Variants in PHACTR3 observed in about 807,000 individuals in gnomAD.
PHACTR3 encodes the protein phosphatase and actin regulator 3, also known as protein phosphatase 1, regulatory subunit 123.
A neutral mutation model predicts 66.8 loss-of-function variants in PHACTR3; 16 were observed. The ratio of observed to expected loss-of-function variants is 0.24; its 90% CI spans 0.16 to 0.36. The LOEUF (loss-of-function observed/expected upper bound fraction) is 0.36. Ranked by LOEUF, PHACTR3 falls within the 10% of genes least tolerant of loss-of-function variation. PHACTR3 has a pLI of 1.00. For missense variants in PHACTR3, 647 were observed against 719.9 expected, an observed-to-expected ratio of 0.90 and a Z score of 1.16; for synonymous variants, 323 against 292.1, an observed-to-expected ratio of 1.11 and a Z score of -1.08.
intron 8 of PHACTR3, among the ~76,000 whole-genome samples, chr20:59,828,504 T>C (rs1251363495): frequency 6.6e-6 from 1 of 152,166 alleles, no homozygotes; most frequent in Non-Finnish European, 1.5e-5. Context: ...TAGGGTGTTA[T>C]GTTGTTTTTT....
At chr20:59,786,231 G>A (rs2040910304) in intron 7 of PHACTR3, among the ~76,000 whole-genome samples, 1 of 152,240 alleles carries the variant, frequency 6.6e-6, no homozygotes. Context: ...GGCCTTGGCT[G>A]GGCTCTGAGC....
chr20:59,595,321 G>C (rs1323344028), intron 1 of PHACTR3, among the ~76,000 whole-genome samples: 1 of 152,114 alleles, frequency 6.6e-6, no homozygotes, highest in South Asian at 2.1e-4. Flanking sequence ...ACTTAGCCCG[G>C]CATGGTGGTG....
At chr20:59,701,102 T>G (rs2037492851) in intron 1 of PHACTR3, among the ~76,000 whole-genome samples, 1 of 152,162 alleles carries the variant, frequency 6.6e-6, no homozygotes, top group Admixed American at 6.6e-5. Context: ...CTTTTTCCTT[T>G]TTATAACAGG....
At chr20:59,770,252 G>C (rs2040316944) in intron 5 of PHACTR3, among the ~76,000 whole-genome samples, 2 of 152,364 alleles carry the variant, frequency 1.3e-5, no homozygotes, top group Admixed American at 1.3e-4. Context: ...AATTGAGACT[G>C]GGAGGTGGAG....
intron 1 of PHACTR3, among the ~76,000 whole-genome samples, chr20:59,592,453 A>G (rs1193836828): frequency 6.6e-6 from 1 of 152,244 alleles, no homozygotes; most frequent in Non-Finnish European, 1.5e-5. Flanking sequence ...GGACGCAGGA[A>G]GATCACCCAC....
chr20:59,666,139 A>C (rs950634299), intron 1 of PHACTR3, among the ~76,000 whole-genome samples: 1 of 152,084 alleles, frequency 6.6e-6, no homozygotes, highest in African/African-American at 2.4e-5. Flanking sequence ...CCTCACTTGG[A>C]CTTTCTGTGG....
intron 7 of PHACTR3, among the ~76,000 whole-genome samples, chr20:59,790,121 T>C (rs1407956289): frequency 6.6e-6 from 1 of 152,256 alleles, no homozygotes; most frequent in Non-Finnish European, 1.5e-5. Flanking sequence ...TTTTTTCTCT[T>C]TTTTAAAATT....
chr20:59,816,833 G>A (rs978522150), intron 8 of PHACTR3, among the ~76,000 whole-genome samples: 1 of 152,194 alleles, frequency 6.6e-6, no homozygotes, highest in Non-Finnish European at 1.5e-5. Flanking sequence ...TGGGGTAATT[G>A]CATTATAAGA....
At chr20:59,812,364 G>A (rs1009764406) in intron 8 of PHACTR3, among the ~76,000 whole-genome samples, 5 of 152,202 alleles carry the variant, frequency 3.3e-5, no homozygotes, top group East Asian at 1.9e-4. Flanking sequence ...TTCTCTGCAC[G>A]TTTTGTCCTG....
At chr20:59,621,249 A>G (rs970665112) in intron 1 of PHACTR3, among the ~76,000 whole-genome samples, 1 of 152,156 alleles carries the variant, frequency 6.6e-6, no homozygotes, top group Non-Finnish European at 1.5e-5. Context: ...CAGGTAGGTT[A>G]TTTGTAGGTG....
chr20:59,779,493 G>A lies in PHACTR3; in HGVS notation c.1174+5003G>A, dbSNP rs75894882. On this transcript the variant is annotated intron_variant, in intron 7 of 12. Transcript: ENST00000371015. ...GTTCAAACCCCATTCCCACTGTCTC[G>A]CCTGATACATTGTTTTCACATCTCC... Among the ~76,000 whole-genome samples, 220 of 152,234 alleles carry A rather than the reference G, an allele frequency of 1.4e-3. No homozygotes were observed. In the East Asian group the frequency reaches 0.016, roughly 11 times the overall value.
intron 5 of PHACTR3, among the ~76,000 whole-genome samples, chr20:59,767,683 C>A (rs2040226695): frequency 6.6e-6 from 1 of 152,246 alleles, no homozygotes; most frequent in African/African-American, 2.4e-5. Context: ...AGGGGAGTCT[C>A]TTTGCAGGAG....
chr20:59,725,309 G>T (rs1472017822), intron 1 of PHACTR3, among the ~76,000 whole-genome samples: 1 of 151,816 alleles, frequency 6.6e-6, no homozygotes, highest in African/African-American at 2.4e-5. Context: ...AGTTCAGTGA[G>T]GCTATGAGCT....
At chr20:59,589,679 G>C (rs1223173513) in intron 1 of PHACTR3, among the ~76,000 whole-genome samples, 2 of 152,172 alleles carry the variant, frequency 1.3e-5, no homozygotes, top group African/African-American at 4.8e-5. Context: ...ACTCTCTTAA[G>C]TATATAAATC....
intron 1 of PHACTR3, among the ~76,000 whole-genome samples, chr20:59,678,527 C>T (rs890068675): frequency 1.3e-5 from 2 of 152,016 alleles, no homozygotes; most frequent in South Asian, 2.1e-4. Context: ...GTTGATGATC[C>T]GAAGCTCTTG....
chr20:59,807,549 A>G (rs1310965920), intron 8 of PHACTR3, among the ~76,000 whole-genome samples: 1 of 152,228 alleles, frequency 6.6e-6, no homozygotes, highest in Non-Finnish European at 1.5e-5. Context: ...TTAAAATTAT[A>G]GTGACTACAT....
intron 7 of PHACTR3, among the ~76,000 whole-genome samples, chr20:59,802,293 CAGAG>C (rs1370838339): frequency 1.3e-5 from 2 of 152,096 alleles, no homozygotes; most frequent in Non-Finnish European, 2.9e-5. Flanking sequence ...CAAATGTGGA[CAGAG>C]AGTGAAGGGG....
rs181592752 is a variant in PHACTR3, at chr20:59,671,535, G to T, written c.118+66403G>T. On this transcript the variant is annotated intron_variant, in intron 1 of 12. Transcript: ENST00000371015. ...CAGACTTGGTTGGTTTGAACACAGT[G>T]TTTGTGTGTTTCATTGAACCAACAT... 7.9e-5 allele frequency among the ~76,000 whole-genome samples: 12 copies of T among 152,338 alleles called. 1 individual carries two copies. The East Asian group carries it at 1.9e-3, about 24-fold the overall frequency.
chr20:59,782,256 G>A (rs1373779739), intron 7 of PHACTR3, among the ~76,000 whole-genome samples: 2 of 152,046 alleles, frequency 1.3e-5, no homozygotes, highest in Non-Finnish European at 2.9e-5. Flanking sequence ...TTTGTTTTTT[G>A]TTTTGTTTTT....
Sources: gnomAD v4.1 joint callset for allele counts (sites outside exome capture counted in the v4.1 genomes callset) on GRCh38, gnomAD v4.1.1 for gene constraint, MANE v1.5 for transcripts, NCBI Gene and HGNC (gene_info 2026-07-23, HGNC 2026-07-21) for gene names.